The following ERCC5 variants were observed in gnomAD, a reference collection of about 807,000 sequenced individuals.
ERCC5 encodes the protein DNA excision repair protein ERCC-5.
Under a neutral mutation model 105.6 loss-of-function variants are expected in ERCC5, and 68 were observed. The ratio of observed to expected loss-of-function variants is 0.64; its 90% CI spans 0.53 to 0.79. The LOEUF (loss-of-function observed/expected upper bound fraction) is 0.79, where lower values mean the gene tolerates loss of function less well. Among genes scored for constraint, ERCC5 ranks in the 30% least tolerant of loss-of-function variants. The pLI is 0.00. For synonymous variants in ERCC5, 546 were observed against 526.2 expected, an observed-to-expected ratio of 1.04 and a Z score of -0.51; for missense variants, 1,373 against 1,426.7, an observed-to-expected ratio of 0.96 and a Z score of 0.61.
intron 1 of ERCC5, among the ~76,000 whole-genome samples, chr13:102,850,013 C>T (rs1042706952): frequency 2.0e-5 from 3 of 151,636 alleles, no homozygotes; most frequent in Non-Finnish European, 4.4e-5. Flanking sequence ...GTGATCTTGG[C>T]TCACTGCAAC....
chr13:102,862,292 C>T lies in ERCC5; in HGVS notation c.1143C>T (p.Gly381=). The T allele has an allele frequency of 1.2e-6, 2 of 1,614,144 alleles. No homozygotes were observed. Among genetic ancestry groups the T allele is most frequent in the Non-Finnish European group, 1.7e-6 (2 of 1,180,036 alleles). Residue 381 remains glycine, a synonymous_variant, in exon 8 of 15, where the codon GGC becomes GGT. Coordinates refer to ENST00000652225, the MANE Select transcript of ERCC5 (RefSeq NM_000123.4). ...ACGCACCTGCTGCTGTAGACGAAGG[C>T]TCCATATCACCCCGGACTCTTTCAG... is the stretch of plus-strand genomic sequence containing the variant. ...GRNAPAAVDE[G]SISPRTLSAI... is the part of the protein sequence containing the mutation.
intron 5 of ERCC5, among the ~76,000 whole-genome samples, chr13:102,857,461 G>A (rs942699952): frequency 2.0e-5 from 3 of 152,178 alleles, no homozygotes; most frequent in Non-Finnish European, 4.4e-5. Flanking sequence ...GCAGTGACAG[G>A]TCTGTCCTAC....
chr13:102,865,947 A>C lies in ERCC5; in HGVS notation c.2199+36A>C. 6.2e-7 allele frequency: 1 copy of C among 1,613,700 alleles called. No homozygotes were observed. Among genetic ancestry groups the C allele is most frequent in the South Asian group, 1.1e-5 (1 of 90,732 alleles). ...AACATTGTGTTTCGACTTCTTGCTGAGGAAGCCAGGTTAAGTAGGTTTTGA... is the reference window on the plus strand; with the variant it reads ...AACATTGTGTTTCGACTTCTTGCTGCGGAAGCCAGGTTAAGTAGGTTTTGA... On this transcript the variant is annotated intron_variant, in intron 9 of 14. Transcript: ENST00000652225. The surrounding 1 kb of genome is among the most constrained non-coding windows in gnomAD (Gnocchi z 4.0).
chr13:102,871,223 A>G (rs539223567), intron 12 of ERCC5, among the ~76,000 whole-genome samples: 1 of 152,280 alleles, frequency 6.6e-6, no homozygotes, highest in Admixed American at 6.5e-5. Flanking sequence ...CAGGAGGTCC[A>G]GGGGACAGGA....
rs754132473 is a variant in ERCC5 at position 102,858,438 on chromosome 13, A to C, written c.672+20A>C. The C allele has an allele frequency of 2.5e-6, 4 of 1,614,098 alleles. No homozygotes were observed. The highest frequency in any genetic ancestry group is 4.5e-5 in the East Asian group (2 of 44,860). On this transcript the variant is annotated intron_variant, in intron 6 of 14. Transcript: ENST00000652225. ...CCAGAGGTGAAATATGCAACAGTAC[A>C]TTCATGCTTAGAATTAAGAACTTCA...
In ERCC5 at chr13:102,865,406, G is replaced by A. The variant is rs752351908; in HGVS notation, c.1955-261G>A. 15 of 425,958 alleles carry A rather than the reference G, an allele frequency of 3.5e-5. No individual in the cohort carries two copies. The highest frequency in any genetic ancestry group is 6.1e-5 in the Non-Finnish European group (14 of 229,550). The allele number at this position is 425,958 out of a possible 1,614,324, so 26.4% of individuals were successfully genotyped here. A position where few individuals can be genotyped will look rare whatever the true frequency, so the allele number is the denominator to read the frequency against. The stretch of plus-strand genomic sequence containing the variant: ...AACTTAGAACATATTTATATAAAGC[G>A]AATATACAAATCTTAAGAGAGTTTC... On this transcript the variant is annotated intron_variant, in intron 8 of 14. Coordinates refer to ENST00000652225, the MANE Select transcript of ERCC5 (RefSeq NM_000123.4). The surrounding 1 kb of genome is among the most constrained non-coding windows in gnomAD (Gnocchi z 4.0).
At chr13:102,873,211 C>T (rs201706733) in intron 13 of ERCC5, 48 bp from the exon 14 acceptor site, 4 of 1,610,940 alleles carry the variant, frequency 2.5e-6, no homozygotes, top group Admixed American at 3.3e-5. Context: ...TTATTTGTCA[C>T]TTGTTTAAAT....
At position 102,875,224 on chromosome 13, in the gene ERCC5, T is replaced by C. The variant is rs1883171248; in HGVS notation, c.2965-83T>C. The C allele has an allele frequency of 3.4e-6, 5 of 1,462,786 alleles. No individual in the cohort carries two copies. In the East Asian group the frequency reaches 9.7e-5, roughly 28 times the overall value. 90.6% of individuals were successfully genotyped at this position (1,462,786 alleles called of 1,614,324 possible). ...TGACATAGTAATCCAATGTGAGTGA[T>C]CAAGGTTGAGCTTGTTGATTTGGTT... On this transcript the variant is annotated intron_variant, in intron 14 of 14. Transcript: ENST00000652225.
At chr13:102,864,028 A>G (rs765998742) in intron 8 of ERCC5, among the ~76,000 whole-genome samples, 3 of 152,020 alleles carry the variant, frequency 2.0e-5, no homozygotes, top group Non-Finnish European at 2.9e-5. Flanking sequence ...ATGTGTGTAT[A>G]TGCACATAGA....
At chr13:102,861,328 A>T (rs2140525969) in intron 6 of ERCC5, among the ~76,000 whole-genome samples, 179 bp from the exon 7 acceptor site, 1 of 152,184 alleles carries the variant, frequency 6.6e-6, no homozygotes, top group Non-Finnish European at 1.5e-5. Flanking sequence ...TCTTTCGAAG[A>T]TTATTTTTTT....
rs183317723 is a variant in ERCC5, at chr13:102,875,829, G to A, written c.3487G>A (p.Val1163Met). The A allele has an allele frequency of 3.9e-5, 63 of 1,613,360 alleles. No homozygotes were observed. Among genetic ancestry groups the A allele is most frequent in the Middle Eastern group, 1.6e-4 (1 of 6,062 alleles). ...DDGGKEKMVL[V>M]TARSVFGKKR... is the part of the protein sequence containing the mutation. ...TGGAGGGAAAGAGAAGATGGTCCTC[G>A]TGACCGCCAGATCTGTGTTTGGGAA... Residue 1163 changes from valine to methionine, a missense_variant, in exon 15 of 15, where the codon GTG becomes ATG. By Grantham distance (21) the Val-to-Met change is conservative. Around this residue, in one of 3 missense-constraint regions of ERCC5, gnomAD observed 367 missense variants for 350.2 expected, o/e 1.05. Transcript: ENST00000652225.
intron 2 of ERCC5, 88 bp from the exon 3 acceptor site, chr13:102,853,669 A>G: frequency 2.8e-6 from 4 of 1,407,296 alleles, no homozygotes; most frequent in Non-Finnish European, 3.0e-6. Flanking sequence ...AAACTCAGAC[A>G]AACCAAATTC....
chr13:102,867,139 C>T (rs374245350), intron 11 of ERCC5, among the ~76,000 whole-genome samples: 5 of 152,328 alleles, frequency 3.3e-5, no homozygotes, highest in African/African-American at 4.8e-5. Flanking sequence ...AAGCAGGCCG[C>T]GCCTGGGCCT....
chr13:102,869,318 C>T (rs757742403), intron 12 of ERCC5, among the ~76,000 whole-genome samples: 7 of 152,010 alleles, frequency 4.6e-5, no homozygotes, highest in East Asian at 1.9e-4. Context: ...GGTAGACATA[C>T]GTCATGGTAG....
Position 102,875,621 on chromosome 13 carries a change from C to T in ERCC5, c.3279C>T (p.Leu1093=), listed in dbSNP as rs767050161. The T allele has an allele frequency of 5.6e-6, 9 of 1,613,810 alleles. No individual in the cohort carries two copies. The highest frequency in any genetic ancestry group is 1.3e-5 in the African/African-American group (1 of 74,914). Residue 1093 remains leucine, a synonymous_variant, in exon 15 of 15, where the codon CTC becomes CTT. Coordinates refer to ENST00000652225, the MANE Select transcript of ERCC5 (RefSeq NM_000123.4). ...TCGGFLGETC[L]SESSDGSSSE... is the part of the protein sequence containing the mutation. ...GTGGATTTTTGGGGGAGACCTGCCT[C>T]TCAGAATCATCTGATGGATCTTCAA...
rs1266278644 is a variant in ERCC5 at position 102,862,696 on chromosome 13, T to C, written c.1547T>C (p.Leu516Pro). The C allele has an allele frequency of 6.2e-7, 1 of 1,614,004 alleles. No individual in the cohort carries two copies. Among genetic ancestry groups the C allele is most frequent in the Non-Finnish European group, 8.5e-7 (1 of 1,180,030 alleles). ...AVVRHSDAPGLPNGRELTPAS... is the reference protein window; with the variant it reads ...AVVRHSDAPGPPNGRELTPAS... ...GTTAGACATAGTGACGCACCTGGGCTCCCGAATGGAAGGGAACTGACACCG... is the reference window on the plus strand; with the variant it reads ...GTTAGACATAGTGACGCACCTGGGCCCCCGAATGGAAGGGAACTGACACCG... The change falls in exon 8 of 15, where the codon CTC becomes CCC. Residue 516 changes from leucine (L) to proline (P), a missense_variant. Leu to Pro is a moderately conservative substitution (Grantham distance 98, BLOSUM62 -3). This residue lies in a region of ERCC5 where 1,004 missense variants were observed against 1,059.7 expected (regional missense o/e 0.95). Transcript: ENST00000652225.
chr13:102,851,417 C>G (rs1381869936), intron 1 of ERCC5, among the ~76,000 whole-genome samples: 2 of 152,020 alleles, frequency 1.3e-5, no homozygotes, highest in East Asian at 3.9e-4. Context: ...GCCTCAGCCT[C>G]CTGAGTAGCT....
intron 1 of ERCC5, among the ~76,000 whole-genome samples, chr13:102,847,347 C>T (rs1460146224): frequency 1.4e-5 from 2 of 146,428 alleles, no homozygotes; most frequent in African/African-American, 5.1e-5. Flanking sequence ...CTGGTGATAC[C>T]TTACACCAAT....
intron 5 of ERCC5, among the ~76,000 whole-genome samples, chr13:102,857,031 A>G (rs1002902840): frequency 2.6e-5 from 4 of 152,258 alleles, no homozygotes; most frequent in Non-Finnish European, 5.9e-5. Flanking sequence ...ATTTTCATGA[A>G]TAACATTTTT....
Sources: gnomAD v4.1 joint callset for allele counts (sites outside exome capture counted in the v4.1 genomes callset) on GRCh38, gnomAD v4.1.1 for gene constraint, gnomAD v4.1.1 regional missense constraint, Gnocchi (gnomAD v3.1) non-coding constraint, MANE v1.5 for transcripts, NCBI Gene and HGNC (gene_info 2026-07-23, HGNC 2026-07-21) for gene names.